Variants in EPHA6 observed in about 807,000 individuals in gnomAD.
EPHA6 encodes ephrin type-A receptor 6.
A neutral mutation model predicts 112.0 loss-of-function variants in EPHA6; 50 were observed. That is an observed-to-expected ratio of 0.45 (90% CI 0.36 to 0.56). The LOEUF is 0.56. EPHA6 is among the 20% of genes least tolerant of loss of function. EPHA6 has a pLI of 0.00. For synonymous variants in EPHA6, 529 were observed against 490.7 expected (o/e 1.08, Z -1.03); for missense variants, 1,280 against 1,417.4 (o/e 0.90, Z 1.56).
At chr3:96,845,705 C>A (rs1415858419) in intron 1 of EPHA6, among the ~76,000 whole-genome samples, 1 of 151,998 alleles carries the variant, frequency 6.6e-6, no homozygotes, top group Non-Finnish European at 1.5e-5. Context: ...GGGAACCTAG[C>A]ACATTTCTGT....
At chr3:97,034,717 G>A (rs1035643434) in intron 3 of EPHA6, among the ~76,000 whole-genome samples, 1 of 151,856 alleles carries the variant, frequency 6.6e-6, no homozygotes. Flanking sequence ...ATTAGCATAA[G>A]CAGTCTACTG....
chr3:97,745,337 A>G (rs567669714), intron 16 of EPHA6: 1 of 450,938 alleles, frequency 2.2e-6, no homozygotes, highest in East Asian at 7.1e-5. Flanking sequence ...CAATCTTTGA[A>G]TATGACTGAT....
At chr3:97,081,946 A>G (rs2108201248) in intron 3 of EPHA6, among the ~76,000 whole-genome samples, 1 of 151,804 alleles carries the variant, frequency 6.6e-6, no homozygotes, top group Non-Finnish European at 1.5e-5. Context: ...AAATTTATCC[A>G]AATATTATGT....
At chr3:97,336,076 T>C (rs2083042136) in intron 5 of EPHA6, among the ~76,000 whole-genome samples, 1 of 152,124 alleles carries the variant, frequency 6.6e-6, no homozygotes, top group Non-Finnish European at 1.5e-5. Context: ...AGGAACAACT[T>C]GGAGAGGTTT....
At chr3:97,300,827 G>C (rs1227347142) in intron 5 of EPHA6, among the ~76,000 whole-genome samples, 1 of 151,340 alleles carries the variant, frequency 6.6e-6, no homozygotes, top group Admixed American at 6.6e-5. Flanking sequence ...ATAACAAAAG[G>C]AAATTTAAAA....
chr3:97,550,831 G>A (rs565434359), intron 11 of EPHA6, among the ~76,000 whole-genome samples: 1 of 151,700 alleles, frequency 6.6e-6, no homozygotes, highest in East Asian at 1.9e-4. Flanking sequence ...ACATTAAGCA[G>A]TAAGTACATA....
chr3:96,978,019 G>T (rs2042602521), intron 2 of EPHA6, among the ~76,000 whole-genome samples: 1 of 152,028 alleles, frequency 6.6e-6, no homozygotes, highest in South Asian at 2.1e-4. Flanking sequence ...AATTAGCTGG[G>T]CATGGTGGTG....
chr3:97,653,707 G>C (rs1310322239), intron 14 of EPHA6, among the ~76,000 whole-genome samples: 1 of 151,960 alleles, frequency 6.6e-6, no homozygotes, highest in African/African-American at 2.4e-5. Flanking sequence ...GCACTCCTGT[G>C]TGTGCTGCAT....
At chr3:97,523,664 G>A (rs1318673451) in intron 10 of EPHA6, among the ~76,000 whole-genome samples, 2 of 151,702 alleles carry the variant, frequency 1.3e-5, no homozygotes, top group Admixed American at 6.6e-5. Context: ...CTATATTATA[G>A]TCTATTACTG....
At chr3:96,873,306 A>G (rs1576201789) in intron 2 of EPHA6, among the ~76,000 whole-genome samples, 2 of 151,972 alleles carry the variant, frequency 1.3e-5, no homozygotes, top group South Asian at 2.1e-4. Flanking sequence ...CCACCAGTCC[A>G]TCTCTCCAAT....
chr3:96,964,344 C>T (rs2042047719), intron 2 of EPHA6, among the ~76,000 whole-genome samples: 1 of 152,166 alleles, frequency 6.6e-6, no homozygotes, highest in Admixed American at 6.5e-5. Flanking sequence ...CAAGTCCTCT[C>T]TTGCCTTTAT....
rs182480537 is a variant in EPHA6, at chr3:97,416,841, C to T, written c.1731+11567C>T. 1.5e-4 allele frequency among the ~76,000 whole-genome samples: 23 copies of T among 152,052 alleles called. No homozygotes were observed. The East Asian group carries it at 4.4e-3, about 29-fold the overall frequency. ...ATATCTTTCATCAATATCATTTTAA[C>T]TTTCAGTTATTTTTCCCCAATCCAT... On this transcript the variant is annotated intron_variant, in intron 6 of 17. Transcript: ENST00000389672.
At chr3:96,818,301 C>A (rs1191593131) in intron 1 of EPHA6, among the ~76,000 whole-genome samples, 1 of 151,884 alleles carries the variant, frequency 6.6e-6, no homozygotes, top group African/African-American at 2.4e-5. Context: ...TACTTTATAG[C>A]CTAAATGAGT....
At chr3:97,535,082 A>C (rs528789501) in intron 11 of EPHA6, among the ~76,000 whole-genome samples, 1 of 151,920 alleles carries the variant, frequency 6.6e-6, no homozygotes, top group Non-Finnish European at 1.5e-5. Context: ...AGGAAAAAAG[A>C]TGTATATCCC....
intron 5 of EPHA6, among the ~76,000 whole-genome samples, chr3:97,262,075 C>T (rs762344668): frequency 1.1e-4 from 17 of 152,096 alleles, no homozygotes; most frequent in Non-Finnish European, 2.4e-4. Context: ...TAGCCAGAAA[C>T]ATACTTTCAT....
chr3:96,995,421 T>C (rs1645833609), intron 3 of EPHA6, among the ~76,000 whole-genome samples: 3 of 152,142 alleles, frequency 2.0e-5, no homozygotes, highest in African/African-American at 7.2e-5. Flanking sequence ...ATTATAACCT[T>C]CAATTCCAAA....
At chr3:97,494,017 TA>T (rs1240931040) in intron 10 of EPHA6, among the ~76,000 whole-genome samples, 2 of 152,226 alleles carry the variant, frequency 1.3e-5, no homozygotes, top group Non-Finnish European at 2.9e-5. Context: ...ATATGAATGC[TA>T]AAAATCAAAC....
At chr3:96,930,024 G>A (rs1229763072) in intron 2 of EPHA6, among the ~76,000 whole-genome samples, 2 of 152,160 alleles carry the variant, frequency 1.3e-5, no homozygotes, top group Non-Finnish European at 2.9e-5. Context: ...TAATACTTGT[G>A]ATTGCGTTGT....
chr3:97,549,665 G>A (rs545942405), intron 11 of EPHA6, among the ~76,000 whole-genome samples: 1 of 151,994 alleles, frequency 6.6e-6, no homozygotes, highest in South Asian at 2.1e-4. Context: ...TAAAAGGCTG[G>A]TGGGCATTGT....
Sources: gnomAD v4.1 joint callset for allele counts (sites outside exome capture counted in the v4.1 genomes callset) on GRCh38, gnomAD v4.1.1 for gene constraint, MANE v1.5 for transcripts, NCBI Gene and HGNC (gene_info 2026-07-23, HGNC 2026-07-21) for gene names.